FECH: variants seen among roughly 807,000 people sequenced by gnomAD.
The protein encoded by FECH is ferrochelatase.
In FECH, 40 loss-of-function variants were observed where a neutral mutation model predicts 56.9. The ratio of observed to expected loss-of-function variants is 0.70; its 90% CI spans 0.55 to 0.92. The LOEUF (loss-of-function observed/expected upper bound fraction) is 0.92, where lower values mean the gene tolerates loss of function less well. FECH is among the 40% of genes least tolerant of loss of function. FECH has a pLI of 0.00. For missense variants in FECH, 431 were observed against 529.1 expected (o/e 0.81, Z 1.82); for synonymous variants, 175 against 198.6 (o/e 0.88, Z 1.00).
At chr18:57,577,514 A>G (rs746536600) in intron 2 of FECH, among the ~76,000 whole-genome samples, 3 of 152,236 alleles carry the variant, frequency 2.0e-5, no homozygotes, top group Non-Finnish European at 4.4e-5. Flanking sequence ...AATGACTGCC[A>G]TCAGAAGAAT....
At chr18:57,569,722 C>A (rs982923475) in intron 4 of FECH, among the ~76,000 whole-genome samples, 9 of 152,076 alleles carry the variant, frequency 5.9e-5, no homozygotes, top group African/African-American at 2.2e-4. Context: ...CTCACTAGGG[C>A]TCTTTATAAT....
intron 5 of FECH, among the ~76,000 whole-genome samples, chr18:57,563,578 CCCAAA>C (rs1223772186): frequency 0.013 from 138 of 10,946 alleles, 3 homozygotes; most frequent in Admixed American, 0.025. Flanking sequence ...GAAACTCCGT[CCCAAA>C]AAAAAAAAAA....
intron 3 of FECH, 110 bp from the exon 4 acceptor site, chr18:57,571,650 A>G (rs1287799560): frequency 2.0e-6 from 3 of 1,514,752 alleles, no homozygotes; most frequent in Non-Finnish European, 2.7e-6. Context: ...GAGCCTAACA[A>G]GATTAAGCCT....
chr18:57,584,195 GAAAAC>G (rs1447283516), intron 1 of FECH, among the ~76,000 whole-genome samples: 3 of 137,394 alleles, frequency 2.2e-5, no homozygotes, highest in African/African-American at 7.7e-5. Context: ...AAAAAAAAAA[GAAAAC>G]AAAACTTCAT....
At position 57,555,186 on chromosome 18, in the gene FECH, T is replaced by C. The variant is rs78109151; in HGVS notation, c.805-234A>G. Among the ~76,000 whole-genome samples, 1,125 of 152,320 alleles carry C rather than the reference T, an allele frequency of 7.4e-3. 9 individuals are homozygous for C. Among genetic ancestry groups the C allele is most frequent in the African/African-American group, 0.024 (1,012 of 41,566 alleles). On this transcript the variant is annotated intron_variant, in intron 7 of 10. Transcript: ENST00000262093. ...CTAAGGTCCCTAAGAGGGTGGAGAA[T>C]TCCATGTTCCACGTTATTCATGGGG...
At chr18:57,573,516 G>A in intron 2 of FECH, 151 bp from the exon 3 acceptor site, 1 of 880,726 alleles carries the variant, frequency 1.1e-6, no homozygotes. Context: ...ACCTATTCGG[G>A]GACATCTGTG....
chr18:57,554,301 A>G lies in FECH; in HGVS notation c.1036T>C (p.Tyr346His). The change falls in exon 9 of 11, where the codon TAT becomes CAT. Residue 346 changes from tyrosine (Y) to histidine (H), a missense_variant. Physicochemically the swap from Tyr to His is moderately conservative, Grantham distance 83. Coordinates refer to ENST00000262093, the MANE Select transcript of FECH (RefSeq NM_000140.5). ...AFTSDHIETL[Y>H]ELDIEYSQVL... is the part of the protein sequence containing the mutation. ...TGAGAGTACTCGATGTCCAGCTCATACAGCGTTTCAATATGGTCACTGGTA... is the reference window on the plus strand; with the variant it reads ...TGAGAGTACTCGATGTCCAGCTCATGCAGCGTTTCAATATGGTCACTGGTA... The G allele has an allele frequency of 6.2e-7, 1 of 1,614,260 alleles. No individual in the cohort carries two copies. Among genetic ancestry groups the G allele is most frequent in the East Asian group, 2.2e-5 (1 of 44,892 alleles).
intron 5 of FECH, among the ~76,000 whole-genome samples, chr18:57,563,663 G>A (rs905119435): frequency 4.0e-5 from 6 of 148,716 alleles, no homozygotes; most frequent in Non-Finnish European, 5.9e-5. Flanking sequence ...AAATGTATGC[G>A]ATGGGGAAGA....
At chr18:57,572,873 G>C (rs1039508347) in intron 3 of FECH, 1 of 188,128 alleles carries the variant, frequency 5.3e-6, no homozygotes, top group Non-Finnish European at 1.1e-5. Context: ...GAAAAGAAGG[G>C]CAGCAACAAT....
intron 5 of FECH, among the ~76,000 whole-genome samples, chr18:57,564,143 G>C (rs1463052616): frequency 6.6e-6 from 1 of 152,214 alleles, no homozygotes; most frequent in African/African-American, 2.4e-5. Flanking sequence ...CTCCCAAAGT[G>C]CTGGGATTAC....
chr18:57,564,188 T>C (rs1431381285), intron 5 of FECH, among the ~76,000 whole-genome samples: 1 of 152,218 alleles, frequency 6.6e-6, no homozygotes, highest in Admixed American at 6.5e-5. Context: ...TAACTATTGT[T>C]ATTAATGGCC....
chr18:57,567,820 G>A (rs1157467427), intron 4 of FECH: 1 of 152,244 alleles, frequency 6.6e-6, no homozygotes, highest in African/African-American at 2.4e-5. Flanking sequence ...CATTAGGCGA[G>A]AGAAGCACAT....
chr18:57,566,447 C>T lies in FECH; in HGVS notation c.598G>A (p.Gly200Ser). The change falls in exon 5 of 11, where the codon GGC becomes AGC. Residue 200 changes from glycine (G) to serine (S), a missense_variant and splice_region_variant. Transcript: ENST00000262093. The stretch of plus-strand genomic sequence containing the variant: ...TCCACTGTCAGAGAGATGCCCTTAC[C>T]TGTGGTGGAGCAGCTGTACTGTGGA... ...QYPQYSCSTT[G>S]SSLNAIYRYY... 1 of 1,614,168 alleles carries T rather than the reference C, an allele frequency of 6.2e-7. No homozygotes were observed.
chr18:57,554,200 C>A, intron 9 of FECH, 60 bp downstream of exon 9: 2 of 1,579,692 alleles, frequency 1.3e-6, no homozygotes, highest in Non-Finnish European at 1.7e-6. Context: ...TAGTTAGTTG[C>A]AGAAAAAATT....
intron 2 of FECH, among the ~76,000 whole-genome samples, chr18:57,576,692 G>A (rs1229055206): frequency 1.3e-5 from 2 of 152,150 alleles, no homozygotes; most frequent in African/African-American, 4.8e-5. Context: ...TTTTGCAAAC[G>A]CATGTTGATC....
chr18:57,554,994 G>A, intron 7 of FECH, 42 bp from the exon 8 acceptor site: 2 of 1,512,588 alleles, frequency 1.3e-6, no homozygotes, highest in African/African-American at 1.4e-5. Flanking sequence ...TTAACACTGG[G>A]AAGGCCCCGA....
In FECH at chr18:57,547,093, A is replaced by G. The variant is rs1351706940; in HGVS notation, c.*3619T>C. Among the ~76,000 whole-genome samples the G allele has an allele frequency of 1.3e-5, 2 of 152,138 alleles. No homozygotes were observed. Among genetic ancestry groups the G allele is most frequent in the Non-Finnish European group, 2.9e-5 (2 of 68,034 alleles). On this transcript the variant is annotated 3_prime_UTR_variant, in exon 11 of 11. Coordinates refer to ENST00000262093, the MANE Select transcript of FECH (RefSeq NM_000140.5). ...CCATTTGGAATGGGAACATTTACCA[A>G]TGTCTGTACTCCCATTGTATCTTGG...
intron 2 of FECH, among the ~76,000 whole-genome samples, chr18:57,574,641 C>T (rs1307263771): frequency 6.6e-6 from 1 of 152,256 alleles, no homozygotes; most frequent in African/African-American, 2.4e-5. Context: ...GAGCTCCCCA[C>T]TCCTAAGCCC....
intron 2 of FECH, among the ~76,000 whole-genome samples, chr18:57,579,766 C>T (rs192001468): frequency 5.3e-5 from 8 of 152,284 alleles, no homozygotes; most frequent in East Asian, 3.9e-4. Context: ...ATGTTAGGTT[C>T]GTAAATACAT....
Sources: gnomAD v4.1 joint callset for allele counts (sites outside exome capture counted in the v4.1 genomes callset) on GRCh38, gnomAD v4.1.1 for gene constraint, MANE v1.5 for transcripts, NCBI Gene and HGNC (gene_info 2026-07-23, HGNC 2026-07-21) for gene names.